FKBP15: variants seen among roughly 807,000 people sequenced by gnomAD.
FKBP15 encodes FKBP prolyl isomerase family member 15.
FKBP15 carries 106 observed loss-of-function variants against 158.1 expected under a neutral mutation model. That is an observed-to-expected ratio of 0.67 (90% CI 0.57 to 0.79). FKBP15 has a LOEUF of 0.79. FKBP15 is among the 30% of genes least tolerant of loss of function. The pLI is 0.00. For synonymous variants in FKBP15, 547 were observed against 548.6 expected (o/e 1.00, Z 0.04); for missense variants, 1,287 against 1,479.1 (o/e 0.87, Z 2.13).
At chr9:113,200,776 TG>T (rs1260916270) in intron 6 of FKBP15, among the ~76,000 whole-genome samples, 2 of 152,152 alleles carry the variant, frequency 1.3e-5, no homozygotes, top group African/African-American at 4.8e-5. Flanking sequence ...CTGGGTACGG[TG>T]GCTCACACCT....
At chr9:113,181,574 G>A (rs1174653907) in intron 19 of FKBP15, among the ~76,000 whole-genome samples, 2 of 152,130 alleles carry the variant, frequency 1.3e-5, no homozygotes, top group Non-Finnish European at 1.5e-5. Context: ...CTGGAGGTTC[G>A]GGATTTAAGA....
Position 113,184,131 on chromosome 9 carries a change from T to C in FKBP15, c.1716+161A>G, listed in dbSNP as rs1165511308. Reference sequence around the variant, plus strand: ...TCAGAATATATAGTGATAAGTCACTTGGACAGAATTAAGCCATAATGGATT... The same window carrying C: ...TCAGAATATATAGTGATAAGTCACTCGGACAGAATTAAGCCATAATGGATT... On this transcript the variant is annotated intron_variant, in intron 17 of 27. Transcript: ENST00000238256. This position sits in a 1 kb window ranked among gnomAD's most constrained non-coding sequence, Gnocchi z 4.5. Among the ~76,000 whole-genome samples, 1 of 152,234 alleles carries C rather than the reference T, an allele frequency of 6.6e-6. No homozygotes were observed. Among genetic ancestry groups the C allele is most frequent in the Non-Finnish European group, 1.5e-5 (1 of 68,026 alleles).
intron 12 of FKBP15, 30 bp from the exon 13 acceptor site, chr9:113,188,521 C>A (rs1383208172): frequency 6.3e-7 from 1 of 1,576,330 alleles, no homozygotes. Context: ...TTGGGTTACT[C>A]TGTACGGGGT....
In FKBP15 at chr9:113,212,950, C is replaced by T. The variant is rs557006349; in HGVS notation, c.54-1358G>A. 2.6e-4 allele frequency among the ~76,000 whole-genome samples: 39 copies of T among 152,318 alleles called. No homozygotes were observed. In the South Asian group the frequency reaches 6.8e-3, roughly 27 times the overall value. On this transcript the variant is annotated intron_variant, in intron 1 of 27. Coordinates refer to ENST00000238256, the MANE Select transcript of FKBP15 (RefSeq NM_015258.2). ...ACATGTCCAAACCAGAACTCATATC[C>T]TCCAATGCCCACTGCCCCAGCAAAA...
rs556300651 is a variant in FKBP15 at position 113,161,640 on chromosome 9, G to A, written c.*4438C>T. The A allele has an allele frequency of 5.3e-5, 86 of 1,614,050 alleles. No individual in the cohort carries two copies. In the African/African-American group the frequency reaches 1.1e-3, roughly 21 times the overall value. ...CTCCATCAGCCAGCAGACCATCGCA[G>A]AGACAGACGGGGACTCTGCAGGCTC... On this transcript the variant is annotated 3_prime_UTR_variant, in exon 28 of 28. Coordinates refer to ENST00000238256, the MANE Select transcript of FKBP15 (RefSeq NM_015258.2).
chr9:113,168,460 C>T lies in FKBP15; in HGVS notation c.3582G>A (p.Val1194=), dbSNP rs1419926645. ...TTGACAGTGCCTGGGATTTCCTTAC[C>T]ACCTCGTCTTCATCCTCCTCCTCAG... ...AQPEEEDEDE[V]SMKGRPPPTP... Residue 1194 remains valine (V), a splice_region_variant and synonymous_variant, in exon 27 of 28, where the codon GTG becomes GTA. Transcript: ENST00000238256. 6.2e-7 allele frequency: 1 copy of T among 1,613,642 alleles called. No individual in the cohort carries two copies. Among genetic ancestry groups the T allele is most frequent in the Admixed American group, 1.7e-5 (1 of 60,006 alleles).
rs1243252279 is a variant in FKBP15, at chr9:113,186,257, T to C, written c.1490A>G (p.His497Arg). ...AGGGAATTACTCCCTACCTTGGAAA[T>C]GGGGAGGCTGAGAGAGCGGTGCTGG... ...LYPAPLSQPPHFQGSGDMASF... is the reference protein window; with the variant it reads ...LYPAPLSQPPRFQGSGDMASF... The change falls in exon 15 of 28, where the codon CAT (histidine) becomes CGT (arginine). Residue 497 changes from histidine (H) to arginine (R), a missense_variant. Coordinates refer to ENST00000238256, the MANE Select transcript of FKBP15 (RefSeq NM_015258.2). The C allele has an allele frequency of 1.3e-5, 20 of 1,559,746 alleles. No individual in the cohort carries two copies. Among genetic ancestry groups the C allele is most frequent in the Non-Finnish European group, 1.5e-5 (17 of 1,151,214 alleles).
Position 113,166,160 on chromosome 9 carries a change from TAAA to T in FKBP15, c.3583-8_3583-6del. The T allele has an allele frequency of 6.2e-7, 1 of 1,610,876 alleles. No individual in the cohort carries two copies. The highest frequency in any genetic ancestry group is 2.2e-5 in the East Asian group (1 of 44,824). On this transcript the variant is annotated splice_polypyrimidine_tract_variant and splice_region_variant and intron_variant, in intron 27 of 27. Coordinates refer to ENST00000238256, the MANE Select transcript of FKBP15 (RefSeq NM_015258.2). ...GGGCGGGCGTCCCTTCATGCTCTGA[TAAA>T]ACAGGAAAGAGCAGTCAGTCCTCAC...
At chr9:113,215,638 A>T (rs1299566997) in intron 1 of FKBP15, among the ~76,000 whole-genome samples, 2,387 of 112,130 alleles carry the variant, frequency 0.021, 60 homozygotes, top group South Asian at 0.044. Context: ...ATATATATAT[A>T]TATATATTTT....
intron 1 of FKBP15, among the ~76,000 whole-genome samples, chr9:113,212,336 G>A (rs1057129550): frequency 2.6e-5 from 4 of 151,960 alleles, no homozygotes; most frequent in Non-Finnish European, 5.9e-5. Flanking sequence ...CTACAGGCGC[G>A]TGTCACCACA....
intron 1 of FKBP15, among the ~76,000 whole-genome samples, chr9:113,218,412 T>C (rs559303902): frequency 5.9e-5 from 8 of 135,508 alleles, no homozygotes; most frequent in African/African-American, 8.1e-5. Context: ...TATATATATA[T>C]ACATTTCTCA....
intron 19 of FKBP15, among the ~76,000 whole-genome samples, chr9:113,180,081 T>C (rs1009404387): frequency 1.3e-5 from 2 of 152,198 alleles, no homozygotes; most frequent in African/African-American, 4.8e-5. Context: ...TCATAAGGAC[T>C]TGCAGCAGCT....
rs3840999 is a variant in FKBP15, at chr9:113,164,096, A to AAAAC, written c.*1978_*1981dup. The AAAAC allele has an allele frequency of 6.6e-6, 1 of 152,262 alleles. No individual in the cohort carries two copies. The highest frequency in any genetic ancestry group is 2.4e-5 in the African/African-American group (1 of 41,314). The allele number at this position is 152,262 out of a possible 1,614,324, so 9.4% of individuals were successfully genotyped here. A position where few individuals can be genotyped will look rare whatever the true frequency, so the allele number is the denominator to read the frequency against. ...AGATGGTTGTAAGCTTTGGGAATTA[A>AAAAC]AAACAAACAAATACATTTTAGTAAA... On this transcript the variant is annotated 3_prime_UTR_variant, in exon 28 of 28. Coordinates refer to ENST00000238256, the MANE Select transcript of FKBP15 (RefSeq NM_015258.2).
chr9:113,182,811 G>T lies in FKBP15; in HGVS notation c.1869C>A (p.Ala623=). The T allele has an allele frequency of 6.2e-7, 1 of 1,613,702 alleles. No individual in the cohort carries two copies. Among genetic ancestry groups the T allele is most frequent in the Non-Finnish European group, 8.5e-7 (1 of 1,179,742 alleles). The part of the protein sequence containing the change: ...MEKRNNSLQT[A]TENTQARVLH... ...ATACTCTTGCCTGTGTGTTTTCTGTGGCTGTCTGAAGTGAGTTGTTCCTCT... is the reference window on the plus strand; with the variant it reads ...ATACTCTTGCCTGTGTGTTTTCTGTTGCTGTCTGAAGTGAGTTGTTCCTCT... Residue 623 remains alanine (A), a synonymous_variant, in exon 19 of 28, where the codon GCC becomes GCA. Transcript: ENST00000238256.
chr9:113,171,769 G>C, intron 23 of FKBP15, 63 bp from the exon 24 acceptor site: 1 of 1,351,006 alleles, frequency 7.4e-7, no homozygotes, highest in Non-Finnish European at 9.7e-7. Context: ...AAAACCCAAG[G>C]GGAGGAGAAC....
Position 113,188,474 on chromosome 9 carries a change from T to C in FKBP15, c.1191A>G (p.Gln397=), listed in dbSNP as rs767839140. 2 of 1,613,840 alleles carry C rather than the reference T, an allele frequency of 1.2e-6. No individual in the cohort carries two copies. ...DSEIEDVNTL[Q]GGGQPVVTPS... ...GAGTCACCACAGGCTGCCCACCTCCTTGCAGAGTGTTCACATCCTGAAACA... is the reference window on the plus strand; with the variant it reads ...GAGTCACCACAGGCTGCCCACCTCCCTGCAGAGTGTTCACATCCTGAAACA... Residue 397 remains glutamine, a synonymous_variant, in exon 13 of 28, where the codon CAA becomes CAG. Coordinates refer to ENST00000238256, the MANE Select transcript of FKBP15 (RefSeq NM_015258.2).
chr9:113,203,032 T>C lies in FKBP15; in HGVS notation c.328A>G (p.Arg110Gly). 1.2e-6 allele frequency: 2 copies of C among 1,607,764 alleles called. No individual in the cohort carries two copies. The change falls in exon 5 of 28, where the codon AGG (arginine) becomes GGG (glycine). Residue 110 changes from arginine to glycine, a missense_variant. Coordinates refer to ENST00000238256, the MANE Select transcript of FKBP15 (RefSeq NM_015258.2). Reference protein sequence around the residue: ...VLGNHTAREYRILLYISQQQP... With the variant: ...VLGNHTAREYGILLYISQQQP... Reference sequence around the variant, plus strand: ...TGTTGACTGATATAAAGAAGAATCCTATACTGTAGACAAGCAACGACAGAT... The same window carrying C: ...TGTTGACTGATATAAAGAAGAATCCCATACTGTAGACAAGCAACGACAGAT...
chr9:113,169,733 G>C lies in FKBP15; in HGVS notation c.2976C>G (p.Val992=). The C allele has an allele frequency of 6.2e-7, 1 of 1,613,216 alleles. No individual in the cohort carries two copies. Among genetic ancestry groups the C allele is most frequent in the Non-Finnish European group, 8.5e-7 (1 of 1,179,618 alleles). ...TGGTGAGGGCCTGAGGAGGCAACGGGACAGCTTCCTCGACCACCTGCTCTG... is the reference window on the plus strand; with the variant it reads ...TGGTGAGGGCCTGAGGAGGCAACGGCACAGCTTCCTCGACCACCTGCTCTG... The part of the protein sequence containing the change: ...VPSEQVVEEA[V]PLPPQALTTS... Residue 992 remains valine, a synonymous_variant, in exon 26 of 28, where the codon GTC becomes GTG. Coordinates refer to ENST00000238256, the MANE Select transcript of FKBP15 (RefSeq NM_015258.2).
At chr9:113,213,943 T>A (rs1831068653) in intron 1 of FKBP15, among the ~76,000 whole-genome samples, 1 of 151,842 alleles carries the variant, frequency 6.6e-6, no homozygotes. Flanking sequence ...TTAAAACAAT[T>A]TTTTTTTAGA....
Sources: allele counts gnomAD v4.1 joint callset (sites outside exome capture counted in the v4.1 genomes callset), GRCh38; gene constraint gnomAD v4.1.1; non-coding constraint Gnocchi (gnomAD v3.1); transcripts MANE v1.5; gene names NCBI Gene and HGNC (gene_info 2026-07-23, HGNC 2026-07-21).